The following SLCO4C1 variants were observed in gnomAD, a reference collection of about 807,000 sequenced individuals.
SLCO4C1 encodes the protein solute carrier organic anion transporter family member 4C1, also known as organic anion transporter M1.
In SLCO4C1, 58 loss-of-function variants were observed where a neutral mutation model predicts 72.1. The observed-to-expected ratio is 0.80, with a 90% confidence interval of 0.65 to 1.00. SLCO4C1 has a LOEUF of 1.00. SLCO4C1 is among the 50% of genes least tolerant of loss of function. The probability of loss-of-function intolerance (pLI) is 0.00; values close to 1 mark genes in which losing one functional copy is unlikely to be tolerated. For synonymous variants in SLCO4C1, 297 were observed against 312.5 expected (o/e 0.95, Z 0.52); for missense variants, 898 against 857.9 (o/e 1.05, Z -0.58).
intron 11 of SLCO4C1, among the ~76,000 whole-genome samples, 156 bp downstream of exon 11, chr5:102,240,562 C>T (rs1748519753): frequency 6.6e-6 from 1 of 152,000 alleles, no homozygotes; most frequent in Admixed American, 6.6e-5. Flanking sequence ...AGTAAATAAT[C>T]CTATATCTGA....
rs74701254 is a variant in SLCO4C1, at chr5:102,291,325, A to C, written c.619+18T>G. The C allele has an allele frequency of 7.5e-6, 12 of 1,604,148 alleles. No homozygotes were observed. The highest frequency in any genetic ancestry group is 1.0e-5 in the Non-Finnish European group (12 of 1,176,800). ...ACTTCTTCAGATTAAAACAAACATA[A>C]ACACAATAGAAACTTACCTTCAAAA... On this transcript the variant is annotated intron_variant, in intron 2 of 12. Transcript: ENST00000310954.
chr5:102,252,755 T>C (rs1162569385), intron 8 of SLCO4C1, among the ~76,000 whole-genome samples: 1 of 152,184 alleles, frequency 6.6e-6, no homozygotes, highest in Non-Finnish European at 1.5e-5. Context: ...TTAGTCTACA[T>C]ATTTTACAAA....
chr5:102,268,699 GAT>G (rs1749091866), intron 3 of SLCO4C1, among the ~76,000 whole-genome samples: 1 of 152,024 alleles, frequency 6.6e-6, no homozygotes, highest in Admixed American at 6.6e-5. Context: ...TTCCTGTAGT[GAT>G]AACATTTGAT....
intron 1 of SLCO4C1, among the ~76,000 whole-genome samples, chr5:102,293,351 G>T (rs779909592): frequency 1.3e-5 from 2 of 151,866 alleles, no homozygotes; most frequent in Non-Finnish European, 2.9e-5. Flanking sequence ...AAAAAAATTT[G>T]TAAACTCCTC....
rs1748494565 is a variant in SLCO4C1, at chr5:102,239,280, A to C, written c.1985T>G (p.Ile662Ser). ...IKGACWIYDN[I>S]KMAHMLVAIS... ...GGCTACTAGCATATGGGCCATCTTG[A>C]TGTTATCATAAATCCAGCAAGCTCC... Residue 662 changes from isoleucine to serine, a missense_variant, in exon 12 of 13, where the codon ATC becomes AGC. Transcript: ENST00000310954. The C allele has an allele frequency of 6.3e-7, 1 of 1,599,766 alleles. No individual in the cohort carries two copies. The highest frequency in any genetic ancestry group is 8.5e-7 in the Non-Finnish European group (1 of 1,173,300).
At position 102,235,214 on chromosome 5, in the gene SLCO4C1, C is replaced by A. The variant is rs1220935992; in HGVS notation, c.*1644G>T. 1 of 152,102 alleles carries A rather than the reference C, an allele frequency of 6.6e-6. No homozygotes were observed. Among genetic ancestry groups the A allele is most frequent in the Admixed American group, 6.5e-5 (1 of 15,270 alleles). The allele number at this position is 152,102 out of a possible 1,614,324, so 9.4% of individuals were successfully genotyped here. A position where few individuals can be genotyped will look rare whatever the true frequency, so the allele number is the denominator to read the frequency against. The stretch of plus-strand genomic sequence containing the variant: ...TAATGTTTCTAATCTTGGTTTCCTA[C>A]AAGATCTAACACTAAGCTTGTGTTA... On this transcript the variant is annotated 3_prime_UTR_variant, in exon 13 of 13. Coordinates refer to ENST00000310954, the MANE Select transcript of SLCO4C1 (RefSeq NM_180991.5).
chr5:102,267,803 T>G (rs1749070767), intron 3 of SLCO4C1, among the ~76,000 whole-genome samples: 1 of 152,194 alleles, frequency 6.6e-6, no homozygotes, highest in Admixed American at 6.5e-5. Flanking sequence ...ATTTGGTTTA[T>G]TGTATTTCTA....
intron 8 of SLCO4C1, among the ~76,000 whole-genome samples, chr5:102,252,050 A>G (rs1317001868): frequency 2.0e-5 from 3 of 151,178 alleles, no homozygotes; most frequent in Admixed American, 6.6e-5. Flanking sequence ...GAAGGGAGAA[A>G]AGCGAGAAGG....
rs199962705 is a variant in SLCO4C1, at chr5:102,291,591, C to A, written c.371G>T (p.Gly124Val). The A allele has an allele frequency of 4.3e-6, 7 of 1,610,786 alleles. No individual in the cohort carries two copies. The East Asian group carries it at 1.1e-4, about 26-fold the overall frequency. ...AGTGGAAATGCTAATATTTACTAGG[C>A]CATTAACTACAATACCTAAAAAACA... The part of the protein sequence containing the change: ...LAVTQGIVVN[G>V]LVNISISTVE... Residue 124 changes from glycine to valine, a missense_variant, in exon 2 of 13, where the codon GGC becomes GTC. Coordinates refer to ENST00000310954, the MANE Select transcript of SLCO4C1 (RefSeq NM_180991.5).
intron 1 of SLCO4C1, among the ~76,000 whole-genome samples, chr5:102,293,329 C>A (rs1749589073): frequency 6.6e-6 from 1 of 151,900 alleles, no homozygotes; most frequent in Admixed American, 6.6e-5. Context: ...TATGGTAAAA[C>A]TTCTCTTTGA....
At chr5:102,254,951 C>A (rs1245634495) in intron 8 of SLCO4C1, among the ~76,000 whole-genome samples, 1 of 151,978 alleles carries the variant, frequency 6.6e-6, no homozygotes, top group Non-Finnish European at 1.5e-5. Flanking sequence ...TTTGACTGAC[C>A]TGTTTGTAAT....
chr5:102,263,258 A>G (rs1442209316), intron 4 of SLCO4C1, among the ~76,000 whole-genome samples: 1 of 152,156 alleles, frequency 6.6e-6, no homozygotes, highest in Admixed American at 6.6e-5. Context: ...TTAAAATGGC[A>G]TAATTGTGAT....
chr5:102,263,417 A>G (rs1029042957), intron 4 of SLCO4C1, among the ~76,000 whole-genome samples: 1 of 152,126 alleles, frequency 6.6e-6, no homozygotes, highest in Non-Finnish European at 1.5e-5. Flanking sequence ...GGGGTCCTAC[A>G]TACTTATTTT....
intron 3 of SLCO4C1, among the ~76,000 whole-genome samples, chr5:102,267,405 T>G (rs139626761): frequency 0.014 from 2,154 of 152,236 alleles, 23 homozygotes; most frequent in Non-Finnish European, 0.022. Context: ...TTTCAATTTG[T>G]TGGATGTATT....
chr5:102,243,738 T>C (rs1326672502), intron 10 of SLCO4C1, among the ~76,000 whole-genome samples: 1 of 152,092 alleles, frequency 6.6e-6, no homozygotes, highest in African/African-American at 2.4e-5. Flanking sequence ...ACTCACCAAA[T>C]GAGCTCATGG....
chr5:102,238,564 C>T (rs10077904), intron 12 of SLCO4C1, among the ~76,000 whole-genome samples: 76,117 of 151,834 alleles, frequency 0.5, 19,189 homozygotes, highest in Middle Eastern at 0.62. Flanking sequence ...TCAAAATAAT[C>T]ACAATGAAAA....
intron 2 of SLCO4C1, among the ~76,000 whole-genome samples, chr5:102,273,810 G>T (rs542119241): frequency 6.6e-6 from 1 of 152,176 alleles, no homozygotes; most frequent in Non-Finnish European, 1.5e-5. Context: ...AAAATAGCTA[G>T]ATTTACCTAT....
intron 12 of SLCO4C1, 135 bp from the exon 13 acceptor site, chr5:102,237,153 T>A: frequency 1.1e-6 from 1 of 916,200 alleles, no homozygotes; most frequent in African/African-American, 1.7e-5. Flanking sequence ...TGTTTAAAAT[T>A]TTTGAAACAT....
chr5:102,266,379 G>A (rs1749038645), intron 3 of SLCO4C1, among the ~76,000 whole-genome samples: 1 of 152,156 alleles, frequency 6.6e-6, no homozygotes, highest in African/African-American at 2.4e-5. Context: ...GCCAGGCCTG[G>A]TGTCTCACAC....
Sources: allele counts gnomAD v4.1 joint callset (sites outside exome capture counted in the v4.1 genomes callset), GRCh38; gene constraint gnomAD v4.1.1; transcripts MANE v1.5; gene names NCBI Gene and HGNC (gene_info 2026-07-23, HGNC 2026-07-21).